PHLDB1: variants seen among roughly 807,000 people sequenced by gnomAD.
PHLDB1 encodes pleckstrin homology-like domain family B member 1.
PHLDB1 carries 65 observed loss-of-function variants against 139.3 expected under a neutral mutation model. That is an observed-to-expected ratio of 0.47 (90% CI 0.38 to 0.57). The LOEUF (loss-of-function observed/expected upper bound fraction) is 0.57. PHLDB1 is among the 20% of genes least tolerant of loss of function. The pLI is 0.00. For synonymous variants in PHLDB1, 679 were observed against 734.5 expected, an observed-to-expected ratio of 0.92 and a Z score of 1.22; for missense variants, 1,624 against 1,839.7, an observed-to-expected ratio of 0.88 and a Z score of 2.14.
At chr11:118,627,271 C>A (rs782574102) in intron 5 of PHLDB1, 34 bp from the exon 6 acceptor site, 2 of 1,608,600 alleles carry the variant, frequency 1.2e-6, no homozygotes, top group East Asian at 4.5e-5. Context: ...ATATGCAGCT[C>A]CCTAAAGTCA....
intron 1 of PHLDB1, among the ~76,000 whole-genome samples, chr11:118,609,460 C>CCCAG (rs1215930887): frequency 6.7e-6 from 1 of 149,600 alleles, no homozygotes; most frequent in Admixed American, 6.7e-5. Context: ...GTCACACAGC[C>CCCAG]CCAGCCACAC....
At chr11:118,647,709 A>G (rs1947739018) in intron 17 of PHLDB1, 1 of 501,284 alleles carries the variant, frequency 2.0e-6, no homozygotes, top group Admixed American at 3.3e-5. Flanking sequence ...CACAGAGCCC[A>G]TAGTGGTAGC....
chr11:118,622,857 C>A (rs1157643302), intron 4 of PHLDB1, among the ~76,000 whole-genome samples: 1 of 152,136 alleles, frequency 6.6e-6, no homozygotes. Flanking sequence ...ACTCTGGGAT[C>A]CTCTTCTCTG....
intron 18 of PHLDB1, among the ~76,000 whole-genome samples, chr11:118,649,005 A>G (rs781968292): frequency 2.0e-5 from 3 of 152,188 alleles, no homozygotes; most frequent in Non-Finnish European, 4.4e-5. Context: ...GGGGCTGGGC[A>G]CAGTGGCTCA....
chr11:118,636,503 G>C (rs1312385287), intron 10 of PHLDB1: 1 of 152,194 alleles, frequency 6.6e-6, no homozygotes, highest in Non-Finnish European at 1.5e-5. Flanking sequence ...GAAGAAAATT[G>C]ACACACCTAA....
At position 118,608,619 on chromosome 11, in the gene PHLDB1, C is replaced by T. The variant is rs920701126; in HGVS notation, c.-22+920C>T. On this transcript the variant is annotated intron_variant, in intron 1 of 22. Transcript: ENST00000600882. The surrounding 1 kb of genome is among the most constrained non-coding windows in gnomAD (Gnocchi z 6.7). ...CGGTCCTGGAGCCTCCCGAGGCTGA[C>T]TCATCGGGCGGCGGGCTCACCCCCC... Among the ~76,000 whole-genome samples the T allele has an allele frequency of 2.0e-5, 3 of 152,120 alleles. No individual in the cohort carries two copies. The highest frequency in any genetic ancestry group is 7.2e-5 in the African/African-American group (3 of 41,414).
At chr11:118,625,088 G>A (rs1943629002) in intron 5 of PHLDB1, 29 bp downstream of exon 5, 4 of 1,558,916 alleles carry the variant, frequency 2.6e-6, no homozygotes, top group Non-Finnish European at 2.6e-6. Flanking sequence ...AGGGTGCTGG[G>A]TTGATGGTGT....
intron 4 of PHLDB1, among the ~76,000 whole-genome samples, chr11:118,617,626 G>A (rs1941916197): frequency 6.6e-6 from 1 of 151,926 alleles, no homozygotes; most frequent in Non-Finnish European, 1.5e-5. Flanking sequence ...CCACCGCCCG[G>A]CTAATTTTTT....
Position 118,614,571 on chromosome 11 carries a change from G to C in PHLDB1, c.73G>C (p.Asp25His). Reference sequence around the variant, plus strand: ...GTACTACCTACAGAAAGGACCCTTGGACCTGATCGAGACAGGCAAAGGGCT... The same window carrying C: ...GTACTACCTACAGAAAGGACCCTTGCACCTGATCGAGACAGGCAAAGGGCT... Reference protein sequence around the residue: ...TQTMVQKGPLDLIETGKGLKV... With the variant: ...TQTMVQKGPLHLIETGKGLKV... The change falls in exon 3 of 23, where the codon GAC becomes CAC. Residue 25 changes from aspartate to histidine, a missense_variant. Physicochemically the swap from Asp to His is moderately conservative, Grantham distance 81. Coordinates refer to ENST00000600882, the MANE Select transcript of PHLDB1 (RefSeq NM_001144758.3). 3.7e-6 allele frequency: 6 copies of C among 1,613,908 alleles called. No homozygotes were observed. In the South Asian group the frequency reaches 4.4e-5, roughly 12 times the overall value.
chr11:118,645,553 C>G lies in PHLDB1; in HGVS notation c.3319C>G (p.His1107Asp). ...GCGGGAGCGTGGGGAGGAGGGTGAG[C>G]ACGCCTATGATACGCTGAGTCTGGA... Reference protein sequence around the residue: ...AGRERGEEGEHAYDTLSLESS... With the variant: ...AGRERGEEGEDAYDTLSLESS... The change falls in exon 16 of 23, where the codon CAC becomes GAC. Residue 1107 changes from histidine to aspartate, a missense_variant. By Grantham distance (81) the His-to-Asp change is moderately conservative (BLOSUM62 -1). Coordinates refer to ENST00000600882, the MANE Select transcript of PHLDB1 (RefSeq NM_001144758.3). This position sits in a 1 kb window ranked among gnomAD's most constrained non-coding sequence, Gnocchi z 5.1. The G allele has an allele frequency of 6.2e-7, 1 of 1,613,500 alleles. No individual in the cohort carries two copies. The highest frequency in any genetic ancestry group is 8.5e-7 in the Non-Finnish European group (1 of 1,179,728).
At chr11:118,607,421 C>T (rs1421459073), upstream of PHLDB1, among the ~76,000 whole-genome samples, 11 of 98,150 alleles carry the variant, frequency 1.1e-4, 1 homozygote, top group Admixed American at 2.8e-4. Context: ...ATGAACAAAG[C>T]GGGCGCTGTG....
chr11:118,628,490 CCT>C lies in PHLDB1; in HGVS notation c.1668_1669del (p.Val558ProfsTer20). Reference sequence around the variant, plus strand: ...ACTGGGGCTTCACCCTGCCAGAGTCCCTGTGTCCAGAGGAAGCTCTCCAGCGG... The same window carrying C: ...ACTGGGGCTTCACCCTGCCAGAGTCCGTGTCCAGAGGAAGCTCTCCAGCGG... On this transcript the variant is annotated frameshift_variant, in exon 6 of 23. Transcript: ENST00000600882. LOFTEE classifies it high-confidence loss of function. The C allele has an allele frequency of 6.2e-7, 1 of 1,613,232 alleles. No homozygotes were observed. The highest frequency in any genetic ancestry group is 2.2e-5 in the East Asian group (1 of 44,874).
At chr11:118,634,942 C>T (rs1555113992) in intron 9 of PHLDB1, 1 of 454,128 alleles carries the variant, frequency 2.2e-6, no homozygotes, top group Non-Finnish European at 4.4e-6. Flanking sequence ...GAGCTGGCCG[C>T]GGGACGGAGG....
Position 118,614,578 on chromosome 11 carries a change from T to A in PHLDB1, c.80T>A (p.Ile27Asn). 3 of 1,613,902 alleles carry A rather than the reference T, an allele frequency of 1.9e-6. No homozygotes were observed. The highest frequency in any genetic ancestry group is 2.5e-6 in the Non-Finnish European group (3 of 1,179,914). Residue 27 changes from isoleucine (I) to asparagine (N), a missense_variant, in exon 3 of 23, where the codon ATC becomes AAC. Coordinates refer to ENST00000600882, the MANE Select transcript of PHLDB1 (RefSeq NM_001144758.3). ...CTACAGAAAGGACCCTTGGACCTGA[T>A]CGAGACAGGCAAAGGGCTGAAAGTG... ...TMVQKGPLDL[I>N]ETGKGLKVQT... is the part of the protein sequence containing the mutation.
intron 3 of PHLDB1, 170 bp downstream of exon 3, chr11:118,614,852 T>G: frequency 1.6e-6 from 1 of 613,138 alleles, no homozygotes; most frequent in East Asian, 2.9e-5. Context: ...CTGCCTGCCT[T>G]CCTTGGTAGA....
At position 118,628,665 on chromosome 11, in the gene PHLDB1, G is replaced by C; in HGVS notation, c.1827+15G>C. The C allele has an allele frequency of 6.3e-7, 1 of 1,598,798 alleles. No homozygotes were observed. Among genetic ancestry groups the C allele is most frequent in the Non-Finnish European group, 8.5e-7 (1 of 1,174,362 alleles). On this transcript the variant is annotated intron_variant, in intron 6 of 22. Coordinates refer to ENST00000600882, the MANE Select transcript of PHLDB1 (RefSeq NM_001144758.3). ...TGGAGAGGCTGGTGAGCGGGTGCCAGGGAGGCTTGCCACTGTCCATGGCAG... is the reference window on the plus strand; with the variant it reads ...TGGAGAGGCTGGTGAGCGGGTGCCACGGAGGCTTGCCACTGTCCATGGCAG...
chr11:118,647,996 C>T lies in PHLDB1; in HGVS notation c.3574C>T (p.Arg1192Trp), dbSNP rs497554. The T allele has an allele frequency of 6.2e-5, 100 of 1,608,120 alleles. No homozygotes were observed. Among genetic ancestry groups the T allele is most frequent in the South Asian group, 5.6e-5 (5 of 90,084 alleles). The change falls in exon 18 of 23, where the codon CGG (arginine) becomes TGG (tryptophan). Residue 1192 changes from arginine (R) to tryptophan (W), a missense_variant. Transcript: ENST00000600882. ...EERRRREQVERRLQSESARRQ... is the reference protein window; with the variant it reads ...EERRRREQVEWRLQSESARRQ... ...GCGGCGGAGGCGTGAGCAGGTAGAA[C>T]GGAGGCTGCAGAGTGAGAGTGCCCG... is the stretch of plus-strand genomic sequence containing the variant.
In PHLDB1 at chr11:118,648,013, G is replaced by A. The variant is rs377545170; in HGVS notation, c.3591G>A (p.Glu1197=). 2 of 1,612,244 alleles carry A rather than the reference G, an allele frequency of 1.2e-6. No homozygotes were observed. The highest frequency in any genetic ancestry group is 1.3e-5 in the African/African-American group (1 of 74,880). The stretch of plus-strand genomic sequence containing the variant: ...AGGTAGAACGGAGGCTGCAGAGTGA[G>A]AGTGCCCGGAGGCAGCAGCTGGTCG... ...REQVERRLQS[E]SARRQQLVEK... is the part of the protein sequence containing the mutation. Residue 1197 remains glutamate (E), a synonymous_variant, in exon 18 of 23, where the codon GAG becomes GAA. Coordinates refer to ENST00000600882, the MANE Select transcript of PHLDB1 (RefSeq NM_001144758.3).
At position 118,627,643 on chromosome 11, in the gene PHLDB1, G is replaced by T. The variant is rs782576986; in HGVS notation, c.820G>T (p.Gly274Trp). 2.5e-6 allele frequency: 4 copies of T among 1,612,192 alleles called. No homozygotes were observed. Among genetic ancestry groups the T allele is most frequent in the African/African-American group, 1.3e-5 (1 of 74,944 alleles). Residue 274 changes from glycine (G) to tryptophan (W), a missense_variant, in exon 6 of 23, where the codon GGG becomes TGG. Coordinates refer to ENST00000600882, the MANE Select transcript of PHLDB1 (RefSeq NM_001144758.3). ...AAGCTGTGCCAGTCACTCACCCAGT[G>T]GGCAAGAGCCAGGACCTTCTGTGCC... Reference protein sequence around the residue: ...SGSCASHSPSGQEPGPSVPPL... With the variant: ...SGSCASHSPSWQEPGPSVPPL...
Sources: allele counts gnomAD v4.1 joint callset (sites outside exome capture counted in the v4.1 genomes callset), GRCh38; gene constraint gnomAD v4.1.1; non-coding constraint Gnocchi (gnomAD v3.1); transcripts MANE v1.5; gene names NCBI Gene and HGNC (gene_info 2026-07-23, HGNC 2026-07-21).